The following EML6 variants were observed in gnomAD, a reference collection of about 807,000 sequenced individuals.
EML6 encodes the protein echinoderm microtubule-associated protein-like 6.
Under a neutral mutation model 240.1 loss-of-function variants are expected in EML6, and 154 were observed. The ratio of observed to expected loss-of-function variants is 0.64; its 90% CI spans 0.56 to 0.73. The LOEUF (loss-of-function observed/expected upper bound fraction) is 0.73, where lower values mean the gene tolerates loss of function less well. Among genes scored for constraint, EML6 ranks in the 30% least tolerant of loss-of-function variants. The pLI is 0.00. For synonymous variants in EML6, 1,148 were observed against 899.0 expected (o/e 1.28, Z -4.95); for missense variants, 2,964 against 2,474.6 (o/e 1.20, Z -4.20).
At chr2:54,758,873 A>G (rs981229387) in intron 2 of EML6, among the ~76,000 whole-genome samples, 9 of 151,970 alleles carry the variant, frequency 5.9e-5, no homozygotes, top group African/African-American at 1.7e-4. Flanking sequence ...TCATAGAGCA[A>G]TGTAGGGTAA....
At chr2:54,784,779 C>T (rs1252089323) in intron 2 of EML6, among the ~76,000 whole-genome samples, 1 of 152,058 alleles carries the variant, frequency 6.6e-6, no homozygotes, top group Non-Finnish European at 1.5e-5. Context: ...AACCCATCAT[C>T]GAGGTATTAA....
At chr2:54,830,383 A>G (rs561003530) in intron 7 of EML6, among the ~76,000 whole-genome samples, 7 of 152,268 alleles carry the variant, frequency 4.6e-5, no homozygotes, top group African/African-American at 1.7e-4. Flanking sequence ...GGTCCACAGG[A>G]TGAAAACTTA....
rs1055364049 is a variant in EML6 at position 54,882,811 on chromosome 2, T to C, written c.2438+3171T>C. On this transcript the variant is annotated intron_variant, in intron 17 of 41. Transcript: ENST00000356458. Reference sequence around the variant, plus strand: ...AGGCGGAGCTTGCAGTGAGCCGAGATCACGGCACTGCACTCCAGCCTAGGC... The same window carrying C: ...AGGCGGAGCTTGCAGTGAGCCGAGACCACGGCACTGCACTCCAGCCTAGGC... The C allele has an allele frequency of 5.0e-5, 6 of 118,862 alleles. No homozygotes were observed. The East Asian group carries it at 1.3e-3, about 27-fold the overall frequency. 7.4% of individuals were successfully genotyped at this position (118,862 alleles called of 1,614,324 possible). A position where few individuals can be genotyped will look rare whatever the true frequency, so the allele number is the denominator to read the frequency against.
intron 7 of EML6, among the ~76,000 whole-genome samples, chr2:54,840,620 TGAGTAACAAGGGTGGTA>T (rs1669393598): frequency 6.6e-6 from 1 of 152,250 alleles, no homozygotes; most frequent in African/African-American, 2.4e-5. Flanking sequence ...ATGTTCTTAC[TGAGTAACAAGGGTGGTA>T]TCTTTTATTT....
chr2:54,845,334 C>G (rs894020368), intron 8 of EML6, among the ~76,000 whole-genome samples: 2 of 152,154 alleles, frequency 1.3e-5, no homozygotes, highest in Non-Finnish European at 2.9e-5. Flanking sequence ...CTTGAATTTT[C>G]CCGCTTATTC....
chr2:54,744,052 CAGTT>C (rs896502510), intron 2 of EML6, among the ~76,000 whole-genome samples: 3 of 148,500 alleles, frequency 2.0e-5, no homozygotes, highest in African/African-American at 5.0e-5. Context: ...GTTGAGGTCA[CAGTT>C]AGGATGAAGA....
chr2:54,859,158 C>T lies in EML6; in HGVS notation c.1658-376C>T, dbSNP rs536394522. Among the ~76,000 whole-genome samples, 338 of 152,232 alleles carry T rather than the reference C, an allele frequency of 2.2e-3. 1 individual carries two copies. The highest frequency in any genetic ancestry group is 7.9e-3 in the South Asian group (38 of 4,810). ...TGACTCCAAACAATAATTTTATTTC[C>T]ATAGAATTATTTTCTGTTTCCCTGT... On this transcript the variant is annotated intron_variant, in intron 11 of 41. Transcript: ENST00000356458.
chr2:54,833,030 C>T (rs541451456), intron 7 of EML6, among the ~76,000 whole-genome samples: 2 of 152,354 alleles, frequency 1.3e-5, no homozygotes, highest in East Asian at 3.9e-4. Context: ...AGCGATTTCT[C>T]ATCTTACTCA....
At chr2:54,850,642 A>G (rs1242803187) in intron 10 of EML6, among the ~76,000 whole-genome samples, 1 of 152,210 alleles carries the variant, frequency 6.6e-6, no homozygotes, top group Admixed American at 6.5e-5. Context: ...GAATCAGGGA[A>G]ATGATCATTA....
chr2:54,953,523 T>G (rs1035316420), intron 31 of EML6, among the ~76,000 whole-genome samples: 2 of 152,158 alleles, frequency 1.3e-5, no homozygotes, highest in Non-Finnish European at 2.9e-5. Flanking sequence ...CCTCTAGTCT[T>G]TCTCCTCTGG....
At chr2:54,855,871 G>A (rs953961598) in intron 11 of EML6, among the ~76,000 whole-genome samples, 1 of 152,162 alleles carries the variant, frequency 6.6e-6, no homozygotes, top group Non-Finnish European at 1.5e-5. Flanking sequence ...AGCAGTTGGT[G>A]GAATGTGTCT....
At chr2:54,881,079 C>A (rs564042070) in intron 17 of EML6, 14 of 152,194 alleles carry the variant, frequency 9.2e-5, no homozygotes, top group Admixed American at 1.3e-4. Context: ...TGGAATTGCT[C>A]CCAAGCCTTA....
intron 2 of EML6, among the ~76,000 whole-genome samples, chr2:54,785,182 T>TC (rs942751293): frequency 6.6e-6 from 1 of 150,558 alleles, no homozygotes; most frequent in African/African-American, 2.4e-5. Flanking sequence ...TTTTTTTTTT[T>TC]TTTTTTTTTT....
chr2:54,968,004 T>C (rs1676823757), intron 39 of EML6, 124 bp from the exon 40 acceptor site: 2 of 897,556 alleles, frequency 2.2e-6, no homozygotes, highest in Admixed American at 4.4e-5. Context: ...TTCCGTGGCC[T>C]GGCTGTTGGG....
intron 28 of EML6, among the ~76,000 whole-genome samples, chr2:54,939,111 A>G (rs1178021382): frequency 6.6e-6 from 1 of 152,214 alleles, no homozygotes; most frequent in Non-Finnish European, 1.5e-5. Flanking sequence ...ATTTAGATTC[A>G]TTTTCATTCT....
intron 7 of EML6, among the ~76,000 whole-genome samples, chr2:54,838,750 C>G (rs1011300850): frequency 2.0e-5 from 3 of 152,160 alleles, no homozygotes; most frequent in African/African-American, 4.8e-5. Context: ...TCTGCTGGCT[C>G]TCTGTACCAA....
intron 7 of EML6, among the ~76,000 whole-genome samples, chr2:54,835,839 C>T (rs1203716969): frequency 6.6e-6 from 1 of 152,168 alleles, no homozygotes; most frequent in African/African-American, 2.4e-5. Context: ...AGAGCCACCA[C>T]AACAAAGAAT....
At chr2:54,924,058 A>C (rs1040285461) in intron 26 of EML6, among the ~76,000 whole-genome samples, 1 of 152,216 alleles carries the variant, frequency 6.6e-6, no homozygotes, top group Non-Finnish European at 1.5e-5. Flanking sequence ...GTTTTTGGTT[A>C]TAGTAAAGCT....
intron 24 of EML6, among the ~76,000 whole-genome samples, chr2:54,910,618 G>C (rs921516270): frequency 2.0e-5 from 3 of 151,982 alleles, no homozygotes; most frequent in Admixed American, 2.0e-4. Flanking sequence ...GAGGCAACTG[G>C]GAAAAACAGG....
Sources: allele counts gnomAD v4.1 joint callset (sites outside exome capture counted in the v4.1 genomes callset), GRCh38; gene constraint gnomAD v4.1.1; transcripts MANE v1.5; gene names NCBI Gene and HGNC (gene_info 2026-07-23, HGNC 2026-07-21).